Variants in ASF1B observed in about 807,000 individuals in gnomAD.
ASF1B encodes the protein anti-silencing function 1B histone chaperone.
In ASF1B, 10 loss-of-function variants were observed where a neutral mutation model predicts 16.6. That is an observed-to-expected ratio of 0.60 (90% CI 0.37 to 1.02). ASF1B has a LOEUF of 1.02. Among genes scored for constraint, ASF1B ranks in the 50% least tolerant of loss-of-function variants. The probability of loss-of-function intolerance (pLI) is 0.01; values close to 1 mark genes in which losing one functional copy is unlikely to be tolerated. For synonymous variants in ASF1B, 101 were observed against 106.2 expected (o/e 0.95, Z 0.30); for missense variants, 240 against 266.0 (o/e 0.90, Z 0.68).
intron 1 of ASF1B, among the ~76,000 whole-genome samples, chr19:14,134,534 C>T (rs1281646865): frequency 2.6e-5 from 4 of 151,960 alleles, no homozygotes; most frequent in African/African-American, 9.7e-5. Flanking sequence ...TCGGCTGCTG[C>T]CTTTTCTCTT....
chr19:14,136,563 G>C lies in ASF1B; in HGVS notation c.-107C>G, dbSNP rs575102515. On this transcript the variant is annotated 5_prime_UTR_variant, in exon 1 of 4. Transcript: ENST00000263382. Reference sequence around the variant, plus strand: ...GGTAGGGCTGACCAGGTCCACTCCCGCCTCTTCTCTCCGAGAACTGAAGTG... The same window carrying C: ...GGTAGGGCTGACCAGGTCCACTCCCCCCTCTTCTCTCCGAGAACTGAAGTG... 4.8e-6 allele frequency: 4 copies of C among 830,930 alleles called. No homozygotes were observed. The highest frequency in any genetic ancestry group is 3.5e-5 in the African/African-American group (2 of 57,960). The allele number at this position is 830,930 out of a possible 1,614,324, so 51.5% of individuals were successfully genotyped here.
rs556557690 is a variant in ASF1B at position 14,124,630 on chromosome 19, T to C, written c.225+1492A>G. 3.3e-5 allele frequency among the ~76,000 whole-genome samples: 5 copies of C among 152,324 alleles called. No homozygotes were observed. The South Asian group carries it at 1.0e-3, about 32-fold the overall frequency. ...AGACATGCACAGAGCAGGGAAAAAC[T>C]GGAGTTACCTACCATGCCTGTTCCC... is the stretch of plus-strand genomic sequence containing the variant. On this transcript the variant is annotated intron_variant, in intron 2 of 3. Coordinates refer to ENST00000263382, the MANE Select transcript of ASF1B (RefSeq NM_018154.3).
chr19:14,129,870 T>TAC (rs928908246), intron 1 of ASF1B, among the ~76,000 whole-genome samples: 1 of 149,932 alleles, frequency 6.7e-6, no homozygotes, highest in African/African-American at 2.5e-5. Flanking sequence ...AACATGGTGA[T>TAC]ACAAAAAATA....
chr19:14,133,053 G>C (rs980989626), intron 1 of ASF1B, among the ~76,000 whole-genome samples: 1 of 151,756 alleles, frequency 6.6e-6, no homozygotes, highest in Non-Finnish European at 1.5e-5. Context: ...CCGGGAGGCG[G>C]AGCTTGCAAT....
intron 2 of ASF1B, among the ~76,000 whole-genome samples, chr19:14,124,238 C>G (rs1967285296): frequency 6.6e-6 from 1 of 152,136 alleles, no homozygotes; most frequent in African/African-American, 2.4e-5. Context: ...GCTGTAGCCT[C>G]AAACTCTCAG....
intron 1 of ASF1B, among the ~76,000 whole-genome samples, chr19:14,126,902 C>T (rs1337781546): frequency 6.6e-6 from 1 of 152,116 alleles, no homozygotes; most frequent in Non-Finnish European, 1.5e-5. Context: ...CCACTGCGCC[C>T]GGCCACATCT....
chr19:14,127,083 A>G (rs569980023), intron 1 of ASF1B, among the ~76,000 whole-genome samples: 36 of 152,316 alleles, frequency 2.4e-4, no homozygotes, highest in South Asian at 8.3e-4. Context: ...TGCTGTGCCC[A>G]GCCTTGTGGT....
chr19:14,134,723 G>A (rs1298660318), intron 1 of ASF1B, among the ~76,000 whole-genome samples: 2 of 152,046 alleles, frequency 1.3e-5, no homozygotes, highest in East Asian at 1.9e-4. Flanking sequence ...TGAGAGCCAT[G>A]CCCACCTTTA....
At chr19:14,122,756 G>T (rs990464945) in intron 2 of ASF1B, among the ~76,000 whole-genome samples, 1 of 152,190 alleles carries the variant, frequency 6.6e-6, no homozygotes, top group African/African-American at 2.4e-5. Flanking sequence ...CTGGAGGAGT[G>T]TGGTGAGCCG....
In ASF1B at chr19:14,121,498, C is replaced by T. The variant is rs775717464; in HGVS notation, c.402+34G>A. ...ACTCCCCCCAAGTATAAAGAACGGC[C>T]TTGTGGGAAGCAGGAAGTGGAAACA... On this transcript the variant is annotated intron_variant, in intron 3 of 3. Coordinates refer to ENST00000263382, the MANE Select transcript of ASF1B (RefSeq NM_018154.3). 7 of 1,604,088 alleles carry T rather than the reference C, an allele frequency of 4.4e-6. No homozygotes were observed. The Admixed American group carries it at 1.0e-4, about 23-fold the overall frequency.
chr19:14,133,542 C>T (rs1295331617), intron 1 of ASF1B, among the ~76,000 whole-genome samples: 1 of 151,958 alleles, frequency 6.6e-6, no homozygotes, highest in East Asian at 2.0e-4. Flanking sequence ...ATAGCAGGCA[C>T]CTGTAATCCC....
intron 1 of ASF1B, among the ~76,000 whole-genome samples, chr19:14,128,715 C>G (rs1967354342): frequency 6.6e-6 from 1 of 152,192 alleles, no homozygotes; most frequent in Non-Finnish European, 1.5e-5. Flanking sequence ...CCGCCTTGGC[C>G]TCCCAAAGTG....
intron 2 of ASF1B, among the ~76,000 whole-genome samples, chr19:14,124,472 T>C (rs1042706140): frequency 6.6e-6 from 1 of 152,108 alleles, no homozygotes; most frequent in Non-Finnish European, 1.5e-5. Flanking sequence ...CCAGGTGGGG[T>C]GCTGCATGAG....
rs1487959832 is a variant in ASF1B at position 14,136,291 on chromosome 19, T to C, written c.109+57A>G. The stretch of plus-strand genomic sequence containing the variant: ...CAAGTTGGCCATGGGAGCGGTTCTC[T>C]GAGGGGAGGCCGGGGTCGGCCCGGG... On this transcript the variant is annotated intron_variant, in intron 1 of 3. Transcript: ENST00000263382. 2.0e-6 allele frequency: 3 copies of C among 1,506,942 alleles called. No individual in the cohort carries two copies. The Admixed American group carries it at 5.5e-5, about 28-fold the overall frequency. The allele number at this position is 1,506,942 out of a possible 1,614,324, so 93.3% of individuals were successfully genotyped here. A position where few individuals can be genotyped will look rare whatever the true frequency, so the allele number is the denominator to read the frequency against.
chr19:14,127,744 C>T (rs1967340647), intron 1 of ASF1B, among the ~76,000 whole-genome samples: 1 of 151,900 alleles, frequency 6.6e-6, no homozygotes, highest in African/African-American at 2.4e-5. Context: ...TCAAGTGATT[C>T]TCCTGCCTCA....
Position 14,126,152 on chromosome 19 carries a change from C to G in ASF1B, c.195G>C (p.Val65=), listed in dbSNP as rs143580212. ...AGACAAACATGTGTCTCCCTGCTGGCACAGGGCCCACCAGCACCGAGTCTA... is the reference window on the plus strand; with the variant it reads ...AGACAAACATGTGTCTCCCTGCTGGGACAGGGCCCACCAGCACCGAGTCTA... ...QILDSVLVGP[V]PAGRHMFVFQ... is the part of the protein sequence containing the mutation. Residue 65 remains valine, a synonymous_variant, in exon 2 of 4, where the codon GTG becomes GTC. Coordinates refer to ENST00000263382, the MANE Select transcript of ASF1B (RefSeq NM_018154.3). 5.5e-5 allele frequency: 89 copies of G among 1,607,026 alleles called. No homozygotes were observed. In the African/African-American group the frequency reaches 9.4e-4, roughly 17 times the overall value.
In ASF1B at chr19:14,120,240, C is replaced by A; in HGVS notation, c.*219G>T. 1 of 532,886 alleles carries A rather than the reference C, an allele frequency of 1.9e-6. No homozygotes were observed. The highest frequency in any genetic ancestry group is 3.4e-5 in the East Asian group (1 of 29,760). The allele number at this position is 532,886 out of a possible 1,614,324, so 33.0% of individuals were successfully genotyped here. The stretch of plus-strand genomic sequence containing the variant: ...AAAGAACACAAGTCAGAATTTAGAA[C>A]TGAAGTACCTGCTTCTTATAGGCCT... On this transcript the variant is annotated 3_prime_UTR_variant, in exon 4 of 4. Coordinates refer to ENST00000263382, the MANE Select transcript of ASF1B (RefSeq NM_018154.3).
chr19:14,134,834 C>T (rs1236572649), intron 1 of ASF1B, among the ~76,000 whole-genome samples: 2 of 151,958 alleles, frequency 1.3e-5, no homozygotes, highest in Admixed American at 6.6e-5. Context: ...AGCTGGAGCC[C>T]GTCACAGCTC....
At position 14,120,271 on chromosome 19, in the gene ASF1B, G is replaced by T. The variant is rs1967212937; in HGVS notation, c.*188C>A. ...TACCTGCTTCTTATAGGCCTGTAGAGGAAAAGCGAGATCATCCTTCTGGCC... is the reference window on the plus strand; with the variant it reads ...TACCTGCTTCTTATAGGCCTGTAGATGAAAAGCGAGATCATCCTTCTGGCC... On this transcript the variant is annotated 3_prime_UTR_variant, in exon 4 of 4. Coordinates refer to ENST00000263382, the MANE Select transcript of ASF1B (RefSeq NM_018154.3). 5 of 578,700 alleles carry T rather than the reference G, an allele frequency of 8.6e-6. No homozygotes were observed. Among genetic ancestry groups the T allele is most frequent in the Middle Eastern group, 4.4e-4 (1 of 2,270 alleles). The allele number at this position is 578,700 out of a possible 1,614,324, so 35.8% of individuals were successfully genotyped here. A position where few individuals can be genotyped will look rare whatever the true frequency, so the allele number is the denominator to read the frequency against.
Sources: allele counts gnomAD v4.1 joint callset (sites outside exome capture counted in the v4.1 genomes callset), GRCh38; gene constraint gnomAD v4.1.1; transcripts MANE v1.5; gene names NCBI Gene and HGNC (gene_info 2026-07-23, HGNC 2026-07-21).